The following RCBTB2 variants were observed in gnomAD, a reference collection of about 807,000 sequenced individuals.
RCBTB2 encodes RCC1 and BTB domain-containing protein 2.
Under a neutral mutation model 65.4 loss-of-function variants are expected in RCBTB2, and 55 were observed. The observed-to-expected ratio is 0.84, with a 90% CI of 0.68 to 1.05. The LOEUF (loss-of-function observed/expected upper bound fraction) is 1.05, where lower values mean the gene tolerates loss of function less well. Ranked by LOEUF, RCBTB2 falls within the 50% of genes least tolerant of loss-of-function variation. The pLI is 0.00. For synonymous variants in RCBTB2, 220 were observed against 255.2 expected (o/e 0.86, Z 1.31); for missense variants, 599 against 680.1 (o/e 0.88, Z 1.33).
intron 14 of RCBTB2, among the ~76,000 whole-genome samples, chr13:48,493,337 TCTC>T (rs1281801119): frequency 2.2e-5 from 3 of 137,808 alleles, no homozygotes; most frequent in Non-Finnish European, 4.6e-5. Context: ...TCTCTCTCTC[TCTC>T]TTCTCTTCTC....
chr13:48,510,831 C>T (rs1950749503), intron 9 of RCBTB2, 60 bp from the exon 10 acceptor site: 5 of 1,507,492 alleles, frequency 3.3e-6, no homozygotes, highest in African/African-American at 2.8e-5. Context: ...ACTGCTTCCA[C>T]AAAGTAGGTT....
At chr13:48,523,019 T>G (rs1951511390) in intron 2 of RCBTB2, among the ~76,000 whole-genome samples, 1 of 152,220 alleles carries the variant, frequency 6.6e-6, no homozygotes, top group South Asian at 2.1e-4. Context: ...AACTTAAAAT[T>G]ATGAAAATTA....
At chr13:48,500,300 C>G (rs1389480324) in intron 12 of RCBTB2, among the ~76,000 whole-genome samples, 1 of 152,212 alleles carries the variant, frequency 6.6e-6, no homozygotes, top group East Asian at 1.9e-4. Context: ...TGGCTCACGC[C>G]TGTAATCCCA....
intron 1 of RCBTB2, chr13:48,532,804 G>A (rs1314756408): frequency 1.5e-5 from 5 of 331,640 alleles, no homozygotes; most frequent in African/African-American, 6.8e-5. Context: ...TGTAGCCCCG[G>A]AACCTAGCTC....
At chr13:48,522,149 T>C (rs1235647601) in intron 3 of RCBTB2, among the ~76,000 whole-genome samples, 159 bp downstream of exon 3, 1 of 152,214 alleles carries the variant, frequency 6.6e-6, no homozygotes, top group Non-Finnish European at 1.5e-5. Context: ...GTTTTAACTG[T>C]TCTGGAACTA....
chr13:48,516,045 A>G (rs1464767104), intron 4 of RCBTB2, among the ~76,000 whole-genome samples: 3 of 152,178 alleles, frequency 2.0e-5, no homozygotes, highest in African/African-American at 7.2e-5. Context: ...AATATTGGCT[A>G]TGTCTTAAAA....
chr13:48,531,355 T>C (rs999760377), intron 1 of RCBTB2, among the ~76,000 whole-genome samples: 8 of 152,222 alleles, frequency 5.3e-5, no homozygotes, highest in Non-Finnish European at 1.0e-4. Flanking sequence ...ATGGTGGAGA[T>C]AGATTGATCA....
At chr13:48,507,387 C>T (rs1031077526) in intron 10 of RCBTB2, among the ~76,000 whole-genome samples, 3 of 152,196 alleles carry the variant, frequency 2.0e-5, no homozygotes, top group Admixed American at 1.3e-4. Context: ...GCCAGACATG[C>T]GACAGACAAT....
chr13:48,533,397 A>C (rs1329678281), upstream of RCBTB2: 2 of 254,360 alleles, frequency 7.9e-6, no homozygotes, highest in Non-Finnish European at 1.6e-5. Context: ...AATTTTGGGA[A>C]TTTGTGGATA....
At chr13:48,520,311 G>A (rs552862042) in intron 4 of RCBTB2, among the ~76,000 whole-genome samples, 151 of 152,210 alleles carry the variant, frequency 9.9e-4, no homozygotes, top group African/African-American at 3.4e-3. Flanking sequence ...AATCAACTCC[G>A]TGCCCAACTG....
intron 1 of RCBTB2, among the ~76,000 whole-genome samples, chr13:48,530,974 A>C (rs1952084557): frequency 6.6e-6 from 1 of 152,190 alleles, no homozygotes; most frequent in African/African-American, 2.4e-5. Flanking sequence ...CCCCATGTTA[A>C]ACATCACCTT....
chr13:48,514,160 G>GGGGC (rs1218974513), intron 6 of RCBTB2, among the ~76,000 whole-genome samples: 4 of 152,178 alleles, frequency 2.6e-5, no homozygotes, highest in Non-Finnish European at 4.4e-5. Flanking sequence ...CACTACTCTT[G>GGGGC]CACTTTGGGG....
intron 13 of RCBTB2, among the ~76,000 whole-genome samples, chr13:48,498,730 C>CA (rs548197482): frequency 0.11 from 16,425 of 143,986 alleles, 2,364 homozygotes; most frequent in African/African-American, 0.34. Context: ...AACTCTGTCT[C>CA]AAAAAAAAAA....
At chr13:48,501,676 T>TG in intron 12 of RCBTB2, 66 bp downstream of exon 12, 1 of 1,406,230 alleles carries the variant, frequency 7.1e-7, no homozygotes, top group South Asian at 1.2e-5. Context: ...CTAATATAGT[T>TG]GGACACTTAG....
intron 13 of RCBTB2, among the ~76,000 whole-genome samples, chr13:48,499,142 A>ACACACACACACACACACACTCT (rs1366425462): frequency 4.5e-5 from 6 of 132,384 alleles, no homozygotes; most frequent in African/African-American, 8.8e-5. Flanking sequence ...ACACACACAC[A>ACACACACACACACACACACTCT]CTCTCTCTCT....
At position 48,532,601 on chromosome 13, in the gene RCBTB2, GGAT is replaced by G. The variant is rs1952207844; in HGVS notation, c.-219+424_-219+426del. 3 of 193,010 alleles carry G rather than the reference GGAT, an allele frequency of 1.6e-5. No individual in the cohort carries two copies. The Admixed American group carries it at 1.9e-4, about 12-fold the overall frequency. 12.0% of individuals were successfully genotyped at this position (193,010 alleles called of 1,614,324 possible). On this transcript the variant is annotated intron_variant, in intron 1 of 14. Transcript: ENST00000344532. The stretch of plus-strand genomic sequence containing the variant: ...CAGCCACACCAGACGTGGGAGCTTA[GGAT>G]GAGAGCGGCCTCCGAGCAGATGATC...
chr13:48,489,605 T>C lies in RCBTB2; in HGVS notation c.*506A>G, dbSNP rs1444485448. ...ATTACAGGCTGTTTTAAGTTTATTT[T>C]GTGAAAGTTATTCCTTCTCCCAGTA... On this transcript the variant is annotated 3_prime_UTR_variant, in exon 15 of 15. Coordinates refer to ENST00000344532, the MANE Select transcript of RCBTB2 (RefSeq NM_001268.4). The C allele has an allele frequency of 6.6e-6, 1 of 152,492 alleles. No homozygotes were observed. Among genetic ancestry groups the C allele is most frequent in the Non-Finnish European group, 1.5e-5 (1 of 68,244 alleles). The allele number at this position is 152,492 out of a possible 1,614,324, so 9.4% of individuals were successfully genotyped here. A position where few individuals can be genotyped will look rare whatever the true frequency, so the allele number is the denominator to read the frequency against.
chr13:48,515,803 C>T, intron 4 of RCBTB2, 62 bp from the exon 5 acceptor site: 1 of 1,514,710 alleles, frequency 6.6e-7, no homozygotes. Flanking sequence ...TCTGCCCCTT[C>T]AGTTCTGTAG....
chr13:48,505,209 G>C (rs945538553), intron 10 of RCBTB2, among the ~76,000 whole-genome samples: 1 of 152,162 alleles, frequency 6.6e-6, no homozygotes, highest in Non-Finnish European at 1.5e-5. Flanking sequence ...TTGCAAGGGT[G>C]GTGTGAGAAT....
Sources: allele counts gnomAD v4.1 joint callset (sites outside exome capture counted in the v4.1 genomes callset), GRCh38; gene constraint gnomAD v4.1.1; transcripts MANE v1.5; gene names NCBI Gene and HGNC (gene_info 2026-07-23, HGNC 2026-07-21).